SLC9A8: variants seen among roughly 807,000 people sequenced by gnomAD.
SLC9A8 encodes the protein solute carrier family 9 member A8.
Under a neutral mutation model 66.6 loss-of-function variants are expected in SLC9A8, and 48 were observed. The ratio of observed to expected loss-of-function variants is 0.72; its 90% CI spans 0.57 to 0.92. SLC9A8 has a LOEUF of 0.92. Among genes scored for constraint, SLC9A8 ranks in the 40% least tolerant of loss-of-function variants. SLC9A8 has a pLI of 0.00. For synonymous variants in SLC9A8, 274 were observed against 282.6 expected, an observed-to-expected ratio of 0.97 and a Z score of 0.31; for missense variants, 599 against 747.3, an observed-to-expected ratio of 0.80 and a Z score of 2.31.
intron 10 of SLC9A8, among the ~76,000 whole-genome samples, chr20:49,873,771 CAAAAAAAA>C (rs35613935): frequency 7.3e-4 from 44 of 60,238 alleles, no homozygotes; most frequent in African/African-American, 2.6e-3. Context: ...AACTCCGTCT[CAAAAAAAA>C]AAAAAAAAAA....
At chr20:49,857,108 T>G (rs1274542404) in intron 8 of SLC9A8, among the ~76,000 whole-genome samples, 1 of 152,156 alleles carries the variant, frequency 6.6e-6, no homozygotes, top group African/African-American at 2.4e-5. Context: ...AACACAGATG[T>G]TTGAGACCAG....
At chr20:49,884,238 A>AC (rs2089757879) in intron 14 of SLC9A8, 172 bp downstream of exon 14, 1 of 126,544 alleles carries the variant, frequency 7.9e-6, no homozygotes, top group South Asian at 6.7e-5. Flanking sequence ...ACACACACAC[A>AC]CACGACACAC....
chr20:49,849,471 CT>C, intron 5 of SLC9A8, 107 bp from the exon 6 acceptor site: 4 of 841,360 alleles, frequency 4.8e-6, no homozygotes, highest in Non-Finnish European at 5.9e-6. Context: ...GCAGTGGTGC[CT>C]TTTACAGAGA....
At chr20:49,858,282 C>G (rs595777) in intron 8 of SLC9A8, among the ~76,000 whole-genome samples, 49,700 of 151,290 alleles carry the variant, frequency 0.33, 9,453 homozygotes, top group South Asian at 0.57. Flanking sequence ...AGGATATTAT[C>G]CAACATCATG....
At chr20:49,828,191 C>T (rs1407439415) in intron 3 of SLC9A8, among the ~76,000 whole-genome samples, 1 of 150,702 alleles carries the variant, frequency 6.6e-6, no homozygotes, top group Non-Finnish European at 1.5e-5. Context: ...AGTGATTCTC[C>T]TGCCTCAGCC....
Position 49,887,972 on chromosome 20 carries a change from G to A in SLC9A8, c.*36G>A. ...CAAGGCTTCAGGCAGGCAGGCCCAG[G>A]ATGGGCGTTTGCTGCGCACAGACAC... On this transcript the variant is annotated 3_prime_UTR_variant, in exon 16 of 16. Coordinates refer to ENST00000361573, the MANE Select transcript of SLC9A8 (RefSeq NM_015266.3). 2.0e-6 allele frequency: 3 copies of A among 1,538,046 alleles called. No homozygotes were observed. In the South Asian group the frequency reaches 3.4e-5, roughly 17 times the overall value.
intron 3 of SLC9A8, chr20:49,830,201 G>A (rs1374208548): frequency 6.2e-6 from 5 of 802,680 alleles, no homozygotes; most frequent in East Asian, 2.5e-5. Flanking sequence ...CTGACAGCAC[G>A]GCCGTGAATG....
chr20:49,837,456 C>G (rs2087581850), intron 3 of SLC9A8, among the ~76,000 whole-genome samples: 1 of 145,370 alleles, frequency 6.9e-6, no homozygotes, highest in Admixed American at 6.6e-5. Flanking sequence ...TTTTTATTTG[C>G]ATTTCCCTAA....
At chr20:49,834,156 T>TCC in intron 3 of SLC9A8, among the ~76,000 whole-genome samples, 1 of 47,940 alleles carries the variant, frequency 2.1e-5, no homozygotes, top group South Asian at 5.9e-4. Context: ...TCTCTCTCTC[T>TCC]CTCTCTCTCT....
At chr20:49,857,967 A>G (rs17786148) in intron 8 of SLC9A8, among the ~76,000 whole-genome samples, 42,538 of 152,132 alleles carry the variant, frequency 0.28, 6,315 homozygotes, top group Non-Finnish European at 0.34. Context: ...TAGTACATAT[A>G]TTCTTACCAA....
At position 49,871,984 on chromosome 20, in the gene SLC9A8, G is replaced by C. The variant is rs2089225990; in HGVS notation, c.959-2721G>C. On this transcript the variant is annotated intron_variant, in intron 10 of 15. Coordinates refer to ENST00000361573, the MANE Select transcript of SLC9A8 (RefSeq NM_015266.3). ...TCAGCCTTTGTAGACAGGCTGAGCCGAGACTGCGCCTCTAATCCCAGCTGC... is the reference window on the plus strand; with the variant it reads ...TCAGCCTTTGTAGACAGGCTGAGCCCAGACTGCGCCTCTAATCCCAGCTGC... Among the ~76,000 whole-genome samples the C allele has an allele frequency of 2.0e-5, 3 of 152,186 alleles. No homozygotes were observed. The South Asian group carries it at 6.2e-4, about 31-fold the overall frequency.
chr20:49,849,463 A>C, intron 5 of SLC9A8, 116 bp from the exon 6 acceptor site: 1 of 742,172 alleles, frequency 1.3e-6, no homozygotes, highest in Non-Finnish European at 2.3e-6. Flanking sequence ...CAGGTTGGGC[A>C]GTGGTGCCTT....
chr20:49,841,167 G>A (rs976972238), intron 4 of SLC9A8, among the ~76,000 whole-genome samples: 1 of 152,022 alleles, frequency 6.6e-6, no homozygotes. Context: ...GTAGCTGGAC[G>A]TGGTGGCACG....
In SLC9A8 at chr20:49,836,962, A is replaced by G. The variant is rs542319315; in HGVS notation, c.290-2579A>G. ...TTAGGACAAACCTGCCTCCCATTCT[A>G]TTTCTAAAAAGATAGCTACTAAGAT... On this transcript the variant is annotated intron_variant, in intron 3 of 15. Coordinates refer to ENST00000361573, the MANE Select transcript of SLC9A8 (RefSeq NM_015266.3). 6.6e-5 allele frequency among the ~76,000 whole-genome samples: 10 copies of G among 152,246 alleles called. No individual in the cohort carries two copies. The South Asian group carries it at 2.1e-3, about 32-fold the overall frequency.
At chr20:49,875,784 G>T (rs2089403594) in intron 11 of SLC9A8, among the ~76,000 whole-genome samples, 1 of 151,904 alleles carries the variant, frequency 6.6e-6, no homozygotes, top group Non-Finnish European at 1.5e-5. Context: ...GCCCAGGCTG[G>T]GGTGCAGTGG....
At chr20:49,854,562 ATG>A (rs897510414) in intron 7 of SLC9A8, among the ~76,000 whole-genome samples, 614 of 7,350 alleles carry the variant, frequency 0.084, 5 homozygotes, top group African/African-American at 0.19. Context: ...CCTGGGTCAC[ATG>A]TGGTATTGTC....
At chr20:49,837,037 G>A (rs1600687204) in intron 3 of SLC9A8, among the ~76,000 whole-genome samples, 2 of 152,230 alleles carry the variant, frequency 1.3e-5, no homozygotes. Flanking sequence ...AAAATTCCTT[G>A]TGGACAAAGG....
At chr20:49,867,783 A>G (rs752553319) in intron 10 of SLC9A8, among the ~76,000 whole-genome samples, 7 of 152,086 alleles carry the variant, frequency 4.6e-5, no homozygotes, top group Non-Finnish European at 7.4e-5. Flanking sequence ...CAGGTTTTCT[A>G]GTTATGTAGA....
intron 3 of SLC9A8, among the ~76,000 whole-genome samples, chr20:49,837,995 A>C (rs2087608630): frequency 6.6e-6 from 1 of 151,968 alleles, no homozygotes; most frequent in African/African-American, 2.4e-5. Flanking sequence ...TAGTAGGATG[A>C]TACATTATAC....
Sources: allele counts gnomAD v4.1 joint callset (sites outside exome capture counted in the v4.1 genomes callset), GRCh38; gene constraint gnomAD v4.1.1; transcripts MANE v1.5; gene names NCBI Gene and HGNC (gene_info 2026-07-23, HGNC 2026-07-21).